Variants in GCH1 observed in about 807,000 individuals in gnomAD.
GCH1 encodes the protein GTP cyclohydrolase I.
GCH1 carries 5 observed loss-of-function variants against 25.9 expected under a neutral mutation model. The observed-to-expected ratio is 0.19, with a 90% CI of 0.10 to 0.41. The LOEUF (loss-of-function observed/expected upper bound fraction) is 0.41, where lower values mean the gene tolerates loss of function less well. Ranked by LOEUF, GCH1 falls within the 10% of genes least tolerant of loss-of-function variation. The probability of loss-of-function intolerance (pLI) is 1.00; values close to 1 mark genes in which losing one functional copy is unlikely to be tolerated. For missense variants in GCH1, 261 were observed against 336.5 expected, an observed-to-expected ratio of 0.78 and a Z score of 1.75; for synonymous variants, 159 against 129.6, an observed-to-expected ratio of 1.23 and a Z score of -1.54.
At chr14:54,884,495 C>T (rs1047181104) in intron 1 of GCH1, among the ~76,000 whole-genome samples, 11 of 152,212 alleles carry the variant, frequency 7.2e-5, no homozygotes, top group African/African-American at 2.2e-4. Context: ...GTAGGCCGGG[C>T]GCAGTGGCTC....
chr14:54,867,696 TA>T (rs1262614021), intron 1 of GCH1, among the ~76,000 whole-genome samples: 2 of 147,864 alleles, frequency 1.4e-5, no homozygotes, highest in Non-Finnish European at 3.0e-5. Context: ...AAAATGAGCA[TA>T]AAGTGCCTGC....
chr14:54,887,802 A>C (rs1275179115), intron 1 of GCH1, among the ~76,000 whole-genome samples: 2 of 152,220 alleles, frequency 1.3e-5, no homozygotes, highest in African/African-American at 4.8e-5. Flanking sequence ...GTTAGTTTTC[A>C]ATCTAGGTGG....
In GCH1 at chr14:54,845,872, C is replaced by G; in HGVS notation, c.542-20G>C. 7.0e-7 allele frequency: 1 copy of G among 1,418,806 alleles called. No individual in the cohort carries two copies. The highest frequency in any genetic ancestry group is 1.1e-5 in the South Asian group (1 of 87,178). The allele number at this position is 1,418,806 out of a possible 1,614,324, so 87.9% of individuals were successfully genotyped here. On this transcript the variant is annotated intron_variant, in intron 4 of 5. Coordinates refer to ENST00000491895, the MANE Select transcript of GCH1 (RefSeq NM_000161.3). Reference sequence around the variant, plus strand: ...CCTGAACTGTGGATGTGATAAGGAGCTCAGTTTGAGAGTCTGACACAAACA... The same window carrying G: ...CCTGAACTGTGGATGTGATAAGGAGGTCAGTTTGAGAGTCTGACACAAACA...
intron 1 of GCH1, 49 bp downstream of exon 1, chr14:54,902,272 G>A: frequency 1.3e-6 from 2 of 1,591,524 alleles, no homozygotes; most frequent in Non-Finnish European, 1.7e-6. Flanking sequence ...TTTCCTGCAA[G>A]CACCGCCCCC....
At chr14:54,896,339 T>C (rs954715611) in intron 1 of GCH1, among the ~76,000 whole-genome samples, 2 of 152,144 alleles carry the variant, frequency 1.3e-5, no homozygotes, top group Non-Finnish European at 2.9e-5. Context: ...CACTCACTCC[T>C]ATCTCCCACC....
chr14:54,869,117 C>T (rs968277639), intron 1 of GCH1, among the ~76,000 whole-genome samples: 40 of 152,064 alleles, frequency 2.6e-4, no homozygotes, highest in African/African-American at 8.7e-4. Flanking sequence ...CGGCTCACTG[C>T]AACCTTCGCC....
In GCH1 at chr14:54,888,533, G is replaced by A. The variant is rs1032758556; in HGVS notation, c.343+13788C>T. 2.8e-3 allele frequency among the ~76,000 whole-genome samples: 407 copies of A among 147,844 alleles called. 3 individuals carry two copies. Among genetic ancestry groups the A allele is most frequent in the African/African-American group, 9.8e-3 (392 of 39,882 alleles). Reference sequence around the variant, plus strand: ...ACATACTAGTTTTTTTTTTTTTTGAGATGGAGTCTCACTCTGTCGCCCAGG... The same window carrying A: ...ACATACTAGTTTTTTTTTTTTTTGAAATGGAGTCTCACTCTGTCGCCCAGG... On this transcript the variant is annotated intron_variant, in intron 1 of 5. Coordinates refer to ENST00000491895, the MANE Select transcript of GCH1 (RefSeq NM_000161.3).
chr14:54,866,753 A>G (rs2039994394), intron 1 of GCH1, among the ~76,000 whole-genome samples: 1 of 152,136 alleles, frequency 6.6e-6, no homozygotes, highest in Admixed American at 6.5e-5. Context: ...CACGTAAACC[A>G]CAGTTATTAC....
chr14:54,890,927 C>T (rs557819906), intron 1 of GCH1, among the ~76,000 whole-genome samples: 38 of 152,292 alleles, frequency 2.5e-4, no homozygotes, highest in African/African-American at 7.9e-4. Context: ...CACAGAACCC[C>T]TTTACTCCTT....
intron 1 of GCH1, among the ~76,000 whole-genome samples, chr14:54,872,973 G>T (rs533449101): frequency 5.5e-4 from 84 of 151,400 alleles, no homozygotes; most frequent in Non-Finnish European, 9.7e-4. Context: ...GGATATCCAG[G>T]AATTGAACTT....
At position 54,876,094 on chromosome 14, in the gene GCH1, A is replaced by T. The variant is rs143659547; in HGVS notation, c.344-10658T>A. Reference sequence around the variant, plus strand: ...TCACAATAGCAAAGACTTGGAAGCAACCCAAATGTCCAACAATGATAGATT... The same window carrying T: ...TCACAATAGCAAAGACTTGGAAGCATCCCAAATGTCCAACAATGATAGATT... On this transcript the variant is annotated intron_variant, in intron 1 of 5. Coordinates refer to ENST00000491895, the MANE Select transcript of GCH1 (RefSeq NM_000161.3). Among the ~76,000 whole-genome samples the T allele has an allele frequency of 9.2e-5, 14 of 152,354 alleles. No homozygotes were observed. In the East Asian group the frequency reaches 2.3e-3, roughly 25 times the overall value.
In GCH1 at chr14:54,902,800, A is replaced by C; in HGVS notation, c.-137T>G. ...AAGGTACGCAACCTGCTTAGATCACACTCCGAGCCGGGAGCGGCCACAGGC... is the reference window on the plus strand; with the variant it reads ...AAGGTACGCAACCTGCTTAGATCACCCTCCGAGCCGGGAGCGGCCACAGGC... On this transcript the variant is annotated 5_prime_UTR_variant, in exon 1 of 6. Transcript: ENST00000491895. The C allele has an allele frequency of 3.5e-6, 4 of 1,141,564 alleles. No individual in the cohort carries two copies. In the South Asian group the frequency reaches 9.9e-5, roughly 28 times the overall value. The allele number at this position is 1,141,564 out of a possible 1,614,324, so 70.7% of individuals were successfully genotyped here.
intron 1 of GCH1, among the ~76,000 whole-genome samples, chr14:54,872,702 T>G (rs2040099072): frequency 1.3e-5 from 2 of 152,058 alleles, no homozygotes; most frequent in African/African-American, 4.8e-5. Flanking sequence ...GCAATCCTAG[T>G]CTCTGATAAA....
chr14:54,887,549 G>GAA (rs1027870118), intron 1 of GCH1, among the ~76,000 whole-genome samples: 6 of 152,172 alleles, frequency 3.9e-5, no homozygotes, highest in African/African-American at 1.4e-4. Context: ...ATAATCAAAT[G>GAA]CAAATGTATG....
intron 3 of GCH1, 68 bp from the exon 4 acceptor site, chr14:54,847,198 TA>T: frequency 1.5e-6 from 1 of 663,552 alleles, no homozygotes; most frequent in African/African-American, 1.8e-5. Context: ...GCCTTCCTCA[TA>T]AAACAAAAAG....
At chr14:54,884,411 C>A (rs2040316741) in intron 1 of GCH1, among the ~76,000 whole-genome samples, 1 of 151,600 alleles carries the variant, frequency 6.6e-6, no homozygotes, top group Non-Finnish European at 1.5e-5. Context: ...TAGGTCTATG[C>A]ATGGAACAGA....
At chr14:54,845,592 A>G (rs1209127138) in intron 5 of GCH1, among the ~76,000 whole-genome samples, 176 bp downstream of exon 5, 2 of 152,172 alleles carry the variant, frequency 1.3e-5, no homozygotes, top group African/African-American at 2.4e-5. Context: ...TTCTGTTCCT[A>G]TATCAGTAAC....
intron 3 of GCH1, among the ~76,000 whole-genome samples, chr14:54,847,630 T>G (rs1013870934): frequency 4.6e-5 from 7 of 151,902 alleles, no homozygotes; most frequent in Non-Finnish European, 1.0e-4. Context: ...TGTGGGACCC[T>G]GCGATCATGT....
Position 54,843,633 on chromosome 14 carries a change from A to C in GCH1, c.*384T>G. 6.7e-7 allele frequency: 1 copy of C among 1,501,446 alleles called. No homozygotes were observed. The highest frequency in any genetic ancestry group is 8.8e-7 in the Non-Finnish European group (1 of 1,130,352). 93.0% of individuals were successfully genotyped at this position (1,501,446 alleles called of 1,614,324 possible). A position where few individuals can be genotyped will look rare whatever the true frequency, so the allele number is the denominator to read the frequency against. Reference sequence around the variant, plus strand: ...ACCACTTTTATTGGAGGAAGAAAAAAAACAGTATACTGGGCACAGTTCCCT... The same window carrying C: ...ACCACTTTTATTGGAGGAAGAAAAACAACAGTATACTGGGCACAGTTCCCT... On this transcript the variant is annotated 3_prime_UTR_variant, in exon 6 of 6. Transcript: ENST00000491895.
Sources: gnomAD v4.1 joint callset for allele counts (sites outside exome capture counted in the v4.1 genomes callset) on GRCh38, gnomAD v4.1.1 for gene constraint, MANE v1.5 for transcripts, NCBI Gene and HGNC (gene_info 2026-07-23, HGNC 2026-07-21) for gene names.